Variants in MAP4 observed in about 807,000 individuals in gnomAD.
The protein encoded by MAP4 is microtubule associated protein 4, also known as microtubule-associated protein 4.
A neutral mutation model predicts 170.2 loss-of-function variants in MAP4; 76 were observed. The observed-to-expected ratio is 0.45, with a 90% confidence interval of 0.37 to 0.54. The LOEUF is 0.54. Ranked by LOEUF, MAP4 falls within the 20% of genes least tolerant of loss-of-function variation. MAP4 has a pLI of 0.00. For missense variants in MAP4, 2,506 were observed against 2,748.0 expected, an observed-to-expected ratio of 0.91 and a Z score of 1.97; for synonymous variants, 909 against 994.5, an observed-to-expected ratio of 0.91 and a Z score of 1.62.
chr3:47,858,624 G>GTGCGCGT (rs2060629671), intron 17 of MAP4, among the ~76,000 whole-genome samples: 1 of 142,716 alleles, frequency 7.0e-6, no homozygotes, highest in African/African-American at 2.8e-5. Flanking sequence ...TGCGCGTTGT[G>GTGCGCGT]TGTGTGTGTG....
chr3:47,969,300 C>T (rs1445292912), intron 3 of MAP4, among the ~76,000 whole-genome samples: 3 of 151,866 alleles, frequency 2.0e-5, no homozygotes, highest in African/African-American at 2.4e-5. Flanking sequence ...CCCAGCTACT[C>T]GGGAGGCTGA....
chr3:48,067,632 C>CTT lies in MAP4; in HGVS notation c.-20+21139_-20+21140dup, dbSNP rs71070248. Among the ~76,000 whole-genome samples, 79 of 139,810 alleles carry CTT rather than the reference C, an allele frequency of 5.7e-4. 1 individual carries two copies. Among genetic ancestry groups the CTT allele is most frequent in the African/African-American group, 1.9e-3 (72 of 37,274 alleles). The allele number at this position is 139,810 out of a possible 152,430, so 91.7% of individuals were successfully genotyped here. A position where few individuals can be genotyped will look rare whatever the true frequency, so the allele number is the denominator to read the frequency against. ...CTGTCTCAAAGTTAACAAGAGAAACCTTTTTTTTTTTTTTTTTTAAATCCC... is the reference window on the plus strand; with the variant it reads ...CTGTCTCAAAGTTAACAAGAGAAACCTTTTTTTTTTTTTTTTTTTTAAATCCC... On this transcript the variant is annotated intron_variant, in intron 1 of 18. Coordinates refer to the MAP4 transcript ENST00000360240.
chr3:47,860,950 C>T (rs2064613961), intron 17 of MAP4, among the ~76,000 whole-genome samples: 1 of 152,224 alleles, frequency 6.6e-6, no homozygotes. Context: ...GAGCCAGGCA[C>T]AGTGGCTCAC....
rs563660897 is a variant in MAP4 at position 48,045,172 on chromosome 3, C to A, written c.-20+43601G>T. Among the ~76,000 whole-genome samples, 6 of 142,436 alleles carry A rather than the reference C, an allele frequency of 4.2e-5. No individual in the cohort carries two copies. In the South Asian group the frequency reaches 1.4e-3, roughly 33 times the overall value. The allele number at this position is 142,436 out of a possible 152,430, so 93.4% of individuals were successfully genotyped here. A position where few individuals can be genotyped will look rare whatever the true frequency, so the allele number is the denominator to read the frequency against. On this transcript the variant is annotated intron_variant, in intron 1 of 18. Coordinates refer to the MAP4 transcript ENST00000360240. The stretch of plus-strand genomic sequence containing the variant: ...GCTAGGGAGCCTGAGGCAGGAGAAT[C>A]GCTTGAACCCAGGAGGCGGAGGTTG...
chr3:47,951,659 T>A (rs13076977), intron 3 of MAP4, among the ~76,000 whole-genome samples: 125 of 151,286 alleles, frequency 8.3e-4, no homozygotes, highest in African/African-American at 2.6e-3. Context: ...GTGCTCAATG[T>A]TGCCCAGGCT....
chr3:47,967,569 C>A (rs1224181904), intron 3 of MAP4, among the ~76,000 whole-genome samples: 1 of 152,128 alleles, frequency 6.6e-6, no homozygotes, highest in Non-Finnish European at 1.5e-5. Context: ...AGAGAATCAC[C>A]TGAACCTGGA....
intron 1 of MAP4, among the ~76,000 whole-genome samples, chr3:48,047,152 T>C (rs1462212774): frequency 6.6e-6 from 1 of 151,974 alleles, no homozygotes; most frequent in Non-Finnish European, 1.5e-5. Context: ...AGGCCTTCAA[T>C]CATGAAGTTG....
chr3:47,933,500 C>T lies in MAP4; in HGVS notation c.293-5150G>A, dbSNP rs987023222. Among the ~76,000 whole-genome samples, 13 of 151,858 alleles carry T rather than the reference C, an allele frequency of 8.6e-5. 1 individual carries two copies. The highest frequency in any genetic ancestry group is 4.1e-4 in the South Asian group (2 of 4,820). ...TCACCCAAGCTGGAGTGCGGTAGTA[C>T]GATCATAGCTCACTGCAGCCTCGAC... On this transcript the variant is annotated intron_variant, in intron 3 of 20. Transcript: ENST00000683076.
intron 10 of MAP4, among the ~76,000 whole-genome samples, chr3:47,888,266 C>T (rs890156216): frequency 3.9e-5 from 6 of 152,156 alleles, no homozygotes; most frequent in East Asian, 1.9e-4. Flanking sequence ...GCAGGCTGCC[C>T]GAGCCAGCAC....
At chr3:48,063,351 G>A (rs1366466712) in intron 1 of MAP4, among the ~76,000 whole-genome samples, 1 of 151,296 alleles carries the variant, frequency 6.6e-6, no homozygotes, top group Non-Finnish European at 1.5e-5. Context: ...CAAGAGGATT[G>A]CTTGAGCCCA....
At chr3:47,917,585 C>CAAAAAAAAAAAAAAAAA (rs397877787) in intron 6 of MAP4, among the ~76,000 whole-genome samples, 1 of 92,732 alleles carries the variant, frequency 1.1e-5, no homozygotes, top group Non-Finnish European at 2.3e-5. Flanking sequence ...GAGTCCGTCT[C>CAAAAAAAAAAAAAAAAA]AAAAAAAAAA....
chr3:48,001,788 C>T (rs779382863), intron 1 of MAP4, among the ~76,000 whole-genome samples: 1 of 152,038 alleles, frequency 6.6e-6, no homozygotes, highest in Non-Finnish European at 1.5e-5. Context: ...GGTGTGAGCC[C>T]CTGCGCCCAG....
chr3:47,942,108 C>T (rs909534109), intron 3 of MAP4, among the ~76,000 whole-genome samples: 3 of 152,118 alleles, frequency 2.0e-5, no homozygotes, highest in African/African-American at 7.2e-5. Flanking sequence ...CTTCCCTCTC[C>T]CCATTCCCTG....
chr3:48,082,126 G>A (rs1329574223), intron 1 of MAP4, among the ~76,000 whole-genome samples: 4 of 152,140 alleles, frequency 2.6e-5, no homozygotes, highest in Non-Finnish European at 4.4e-5. Context: ...ATAAATGGGG[G>A]AGGCATAAAT....
intron 1 of MAP4, among the ~76,000 whole-genome samples, chr3:48,084,152 G>T (rs1250678338): frequency 1.3e-5 from 2 of 151,130 alleles, no homozygotes; most frequent in Non-Finnish European, 2.9e-5. Flanking sequence ...GGAGGTTGTG[G>T]TGAGCTGAGA....
At chr3:47,935,578 G>A (rs2100052239) in intron 3 of MAP4, among the ~76,000 whole-genome samples, 1 of 152,018 alleles carries the variant, frequency 6.6e-6, no homozygotes, top group Non-Finnish European at 1.5e-5. Flanking sequence ...TGTGATTCAA[G>A]CAGGCCCAAA....
intron 16 of MAP4, among the ~76,000 whole-genome samples, 192 bp downstream of exon 16, chr3:47,869,022 T>C (rs1451675945): frequency 6.6e-6 from 1 of 152,186 alleles, no homozygotes; most frequent in African/African-American, 2.4e-5. Flanking sequence ...CTCCCAACTC[T>C]ATTAACTTTC....
Position 47,911,447 on chromosome 3 carries a change from C to T in MAP4, c.2974G>A (p.Glu992Lys), listed in dbSNP as rs1409284517. The T allele has an allele frequency of 1.3e-6, 2 of 1,536,072 alleles. No individual in the cohort carries two copies. The highest frequency in any genetic ancestry group is 2.4e-5 in the East Asian group (1 of 40,920). ...TTCTGCAGTTTAGTCATTTTACTTT[C>T]ATTATTCCCTTCTTTTAGATTACAT... is the stretch of plus-strand genomic sequence containing the variant. ...LECNLKEGNNESKMTKLQNVK... is the reference protein window; with the variant it reads ...LECNLKEGNNKSKMTKLQNVK... The change falls in exon 9 of 21, where the codon GAA becomes AAA. Residue 992 changes from glutamate to lysine, a missense_variant. Physicochemically the swap from Glu to Lys is moderately conservative, Grantham distance 56. Coordinates refer to ENST00000683076, the MANE Select transcript of MAP4 (RefSeq NM_001385682.1). This position sits in a 1 kb window ranked among gnomAD's most constrained non-coding sequence, Gnocchi z 4.0.
chr3:47,975,443 G>A, intron 3 of MAP4: 1 of 1,569,138 alleles, frequency 6.4e-7, no homozygotes, highest in Non-Finnish European at 8.6e-7. Flanking sequence ...AGCAGCCCCA[G>A]TGTTGAGAGA....
Sources: gnomAD v4.1 joint callset for allele counts (sites outside exome capture counted in the v4.1 genomes callset) on GRCh38, gnomAD v4.1.1 for gene constraint, Gnocchi (gnomAD v3.1) non-coding constraint, MANE v1.5 for transcripts, NCBI Gene and HGNC (gene_info 2026-07-23, HGNC 2026-07-21) for gene names.